ZSWIM9: variants seen among roughly 807,000 people sequenced by gnomAD.
ZSWIM9 encodes the protein zinc finger SWIM-type containing 9.
ZSWIM9 carries 11 observed loss-of-function variants against 25.0 expected under a neutral mutation model. The observed-to-expected ratio is 0.44, with a 90% CI of 0.28 to 0.73. ZSWIM9 has a LOEUF of 0.73. ZSWIM9 is among the 30% of genes least tolerant of loss of function. The probability of loss-of-function intolerance (pLI) is 0.16; values close to 1 mark genes in which losing one functional copy is unlikely to be tolerated. For synonymous variants in ZSWIM9, 562 were observed against 582.1 expected (o/e 0.97, Z 0.50); for missense variants, 1,070 against 1,296.5 (o/e 0.83, Z 2.68).
intron 3 of ZSWIM9, among the ~76,000 whole-genome samples, chr19:48,191,648 T>C (rs1411079097): frequency 1.3e-5 from 2 of 152,232 alleles, no homozygotes; most frequent in East Asian, 3.8e-4. Context: ...AGGCATGGTT[T>C]CTGATGTTCA....
intron 3 of ZSWIM9, among the ~76,000 whole-genome samples, chr19:48,192,498 T>TACACACACAC (rs1555787892): frequency 2.9e-4 from 6 of 20,758 alleles, no homozygotes; most frequent in Admixed American, 7.6e-4. Context: ...TATATATATA[T>TACACACACAC]ACACACACAC....
In ZSWIM9 at chr19:48,196,400, CAGA is replaced by C; in HGVS notation, c.2338_2340del (p.Glu780del). On this transcript the variant is annotated inframe_deletion, in exon 4 of 4. Coordinates refer to ENST00000614654, the MANE Select transcript of ZSWIM9 (RefSeq NM_199341.4). ...GTGGGGACTGTATTGGAAGGCAGCC[CAGA>C]ATGGGCAGCGGCGAGGAGTGAACAC... 2 of 1,232,350 alleles carry C rather than the reference CAGA, an allele frequency of 1.6e-6. No homozygotes were observed. The highest frequency in any genetic ancestry group is 4.2e-5 in the Admixed American group (1 of 23,714). 76.3% of individuals were successfully genotyped at this position (1,232,350 alleles called of 1,614,324 possible).
rs1368043949 is a variant in ZSWIM9, at chr19:48,197,232, A to G, written c.*405A>G. On this transcript the variant is annotated 3_prime_UTR_variant, in exon 4 of 4. Coordinates refer to ENST00000614654, the MANE Select transcript of ZSWIM9 (RefSeq NM_199341.4). ...CTAGGGAGTGCAGCGGGGAGAGGGG[A>G]AAGGGAGAAAGTACAGAAGACAGAT... is the stretch of plus-strand genomic sequence containing the variant. 1.4e-6 allele frequency: 1 copy of G among 701,690 alleles called. No individual in the cohort carries two copies. The highest frequency in any genetic ancestry group is 2.6e-6 in the Non-Finnish European group (1 of 384,590). 43.5% of individuals were successfully genotyped at this position (701,690 alleles called of 1,614,324 possible).
Position 48,196,454 on chromosome 19 carries a change from A to C in ZSWIM9, c.2390A>C (p.Glu797Ala), listed in dbSNP as rs1227308752. ...CTGGCTGCAGGTGACGGCCTGCAGG[A>C]AGGAGGCGAAGATGGCCCCAGGGAA... ...EHLAAGDGLQ[E>A]GGEDGPREPK... The change falls in exon 4 of 4, where the codon GAA becomes GCA. Residue 797 changes from glutamate to alanine, a missense_variant. By Grantham distance (107) the Glu-to-Ala change is moderately radical (BLOSUM62 -1). Transcript: ENST00000614654. 2 of 1,232,364 alleles carry C rather than the reference A, an allele frequency of 1.6e-6. No homozygotes were observed. Among genetic ancestry groups the C allele is most frequent in the African/African-American group, 3.1e-5 (2 of 64,372 alleles). 76.3% of individuals were successfully genotyped at this position (1,232,364 alleles called of 1,614,324 possible). A position where few individuals can be genotyped will look rare whatever the true frequency, so the allele number is the denominator to read the frequency against.
At position 48,195,282 on chromosome 19, in the gene ZSWIM9, G is replaced by A. The variant is rs1310320160; in HGVS notation, c.1218G>A (p.Val406=). The A allele has an allele frequency of 6.5e-7, 1 of 1,529,738 alleles. No individual in the cohort carries two copies. Among genetic ancestry groups the A allele is most frequent in the Non-Finnish European group, 8.7e-7 (1 of 1,143,878 alleles). The allele number at this position is 1,529,738 out of a possible 1,614,324, so 94.8% of individuals were successfully genotyped here. Residue 406 remains valine, a synonymous_variant, in exon 4 of 4, where the codon GTG becomes GTA. Transcript: ENST00000614654. This position sits in a 1 kb window ranked among gnomAD's most constrained non-coding sequence, Gnocchi z 5.8. ...AARDLDACAL[V]RGHRRRLLRR... is the part of the protein sequence containing the mutation. ...GAGACCTGGACGCGTGTGCCCTGGT[G>A]CGAGGCCACCGCCGGCGACTGCTGC...
chr19:48,187,540 ATAT>A (rs1362290882), intron 3 of ZSWIM9: 1 of 58,024 alleles, frequency 1.7e-5, no homozygotes, highest in Non-Finnish European at 3.1e-5. Context: ...TATTATTATT[ATAT>A]TATATTATAT....
Position 48,195,343 on chromosome 19 carries a change from C to T in ZSWIM9, c.1279C>T (p.Leu427Phe). The T allele has an allele frequency of 6.6e-7, 1 of 1,526,404 alleles. No homozygotes were observed. Among genetic ancestry groups the T allele is most frequent in the East Asian group, 2.5e-5 (1 of 40,060 alleles). The allele number at this position is 1,526,404 out of a possible 1,614,324, so 94.6% of individuals were successfully genotyped here. A position where few individuals can be genotyped will look rare whatever the true frequency, so the allele number is the denominator to read the frequency against. ...LSPSRGVAQC[L>F]RDLVAMQWAD... is the part of the protein sequence containing the mutation. The stretch of plus-strand genomic sequence containing the variant: ...CCCCTCGCGTGGCGTGGCGCAGTGC[C>T]TTCGCGACCTGGTGGCCATGCAGTG... Residue 427 changes from leucine (L) to phenylalanine (F), a missense_variant, in exon 4 of 4, where the codon CTT (leucine) becomes TTT (phenylalanine). By Grantham distance (22) the Leu-to-Phe change is conservative. This residue lies in a region of ZSWIM9 where 184 missense variants were observed against 243.1 expected (regional missense o/e 0.76). Transcript: ENST00000614654. This position sits in a 1 kb window ranked among gnomAD's most constrained non-coding sequence, Gnocchi z 5.8.
chr19:48,190,612 C>G (rs2037082412), intron 3 of ZSWIM9: 1 of 154,828 alleles, frequency 6.5e-6, no homozygotes, highest in African/African-American at 2.4e-5. Context: ...TGCAAGGGGG[C>G]AGGGAGGTGC....
intron 3 of ZSWIM9, among the ~76,000 whole-genome samples, chr19:48,192,468 A>ATGTAT (rs1173330681): frequency 8.4e-5 from 2 of 23,880 alleles, no homozygotes; most frequent in Non-Finnish European, 1.8e-4. Flanking sequence ...AAAAAAAAAA[A>ATGTAT]AAAAAAAAAA....
At chr19:48,171,204 A>T in intron 1 of ZSWIM9, 1 of 985,212 alleles carries the variant, frequency 1.0e-6, no homozygotes, top group Non-Finnish European at 1.2e-6. Context: ...AAGGGGCAAC[A>T]GCTGCACGCC....
At position 48,195,411 on chromosome 19, in the gene ZSWIM9, CG is replaced by C; in HGVS notation, c.1353del (p.Pro452LeufsTer18). ...AGGCGGTGCCCGAGGGGCCCGATGG[CG>C]GGGGGCCTTGGCTGGAGGATGAGCC... ...GEAVPEGPDGGGPWLEDEPGR... is the reference protein window; with the variant it reads ...GEAVPEGPDGXGPWLEDEPGR... On this transcript the variant is annotated frameshift_variant, in exon 4 of 4. Coordinates refer to ENST00000614654, the MANE Select transcript of ZSWIM9 (RefSeq NM_199341.4). LOFTEE classifies it low-confidence loss of function (END_TRUNC). The surrounding 1 kb of genome is among the most constrained non-coding windows in gnomAD (Gnocchi z 5.8). 6.8e-7 allele frequency: 1 copy of C among 1,460,626 alleles called. No homozygotes were observed. Among genetic ancestry groups the C allele is most frequent in the Non-Finnish European group, 9.0e-7 (1 of 1,115,964 alleles). The allele number at this position is 1,460,626 out of a possible 1,614,324, so 90.5% of individuals were successfully genotyped here.
At chr19:48,187,221 A>C (rs1213927471) in intron 3 of ZSWIM9, among the ~76,000 whole-genome samples, 2 of 148,738 alleles carry the variant, frequency 1.3e-5, no homozygotes, top group Admixed American at 1.4e-4. Context: ...AGCCATTTTA[A>C]AAAAAAGATG....
intron 2 of ZSWIM9, among the ~76,000 whole-genome samples, chr19:48,173,746 C>T (rs965941310): frequency 2.0e-5 from 3 of 152,210 alleles, no homozygotes; most frequent in Admixed American, 6.5e-5. Context: ...AAGCAATTCT[C>T]CTGCCTTAGC....
In ZSWIM9 at chr19:48,196,653, G is replaced by A. The variant is rs563737006; in HGVS notation, c.2589G>A (p.Lys863=). The A allele has an allele frequency of 4.1e-4, 505 of 1,232,804 alleles. No individual in the cohort carries two copies. Among genetic ancestry groups the A allele is most frequent in the Non-Finnish European group, 5.0e-4 (496 of 988,478 alleles). The allele number at this position is 1,232,804 out of a possible 1,614,324, so 76.4% of individuals were successfully genotyped here. Residue 863 remains lysine, a synonymous_variant, in exon 4 of 4, where the codon AAG becomes AAA. Transcript: ENST00000614654. ...GGACCGGAGCTGGCTTTGCCCTTAA[G>A]GACGGCACCTCGGACTTCTTCCTGG... is the stretch of plus-strand genomic sequence containing the variant. ...FHWTGAGFAL[K]DGTSDFFLDG...
At position 48,195,372 on chromosome 19, in the gene ZSWIM9, C is replaced by A; in HGVS notation, c.1308C>A (p.Ala436=). 6.6e-7 allele frequency: 1 copy of A among 1,508,798 alleles called. No homozygotes were observed. Among genetic ancestry groups the A allele is most frequent in the Non-Finnish European group, 8.8e-7 (1 of 1,136,224 alleles). 93.5% of individuals were successfully genotyped at this position (1,508,798 alleles called of 1,614,324 possible). Residue 436 remains alanine (A), a synonymous_variant, in exon 4 of 4, where the codon GCC becomes GCA. Coordinates refer to ENST00000614654, the MANE Select transcript of ZSWIM9 (RefSeq NM_199341.4). The surrounding 1 kb of genome is among the most constrained non-coding windows in gnomAD (Gnocchi z 5.8). ...GCGACCTGGTGGCCATGCAGTGGGC[C>A]GACGCGGCCGGGGAGGCGGTGCCCG... ...CLRDLVAMQW[A]DAAGEAVPEG...
In ZSWIM9 at chr19:48,192,469, A is replaced by ATG. The variant is rs1568582355; in HGVS notation, c.589-2184_589-2183insTG. Among the ~76,000 whole-genome samples, 7 of 23,922 alleles carry ATG rather than the reference A, an allele frequency of 2.9e-4. 1 individual carries two copies. The highest frequency in any genetic ancestry group is 1.3e-3 in the Admixed American group (2 of 1,520). 15.7% of individuals were successfully genotyped at this position (23,922 alleles called of 152,430 possible). On this transcript the variant is annotated intron_variant, in intron 3 of 3. Transcript: ENST00000614654. ...TGTCTCAAAAAAAAAAAAAAAAAAA[A>ATG]AAAAAAAAAAAATATATATATATAT... is the stretch of plus-strand genomic sequence containing the variant.
intron 3 of ZSWIM9, among the ~76,000 whole-genome samples, chr19:48,184,480 C>T (rs2036988920): frequency 6.6e-6 from 1 of 152,042 alleles, no homozygotes. Context: ...CCTTTGTCTC[C>T]CTTGTGTGTG....
At chr19:48,185,399 T>C (rs1568578340) in intron 3 of ZSWIM9, among the ~76,000 whole-genome samples, 1 of 152,144 alleles carries the variant, frequency 6.6e-6, no homozygotes, top group Non-Finnish European at 1.5e-5. Flanking sequence ...CCTCCCAAAG[T>C]GCTGGGATTA....
chr19:48,172,725 A>C (rs2036853726), intron 2 of ZSWIM9, among the ~76,000 whole-genome samples: 1 of 152,172 alleles, frequency 6.6e-6, no homozygotes, highest in Non-Finnish European at 1.5e-5. Flanking sequence ...CATGTTGGCC[A>C]GGCTGGTCTC....
Sources: allele counts gnomAD v4.1 joint callset (sites outside exome capture counted in the v4.1 genomes callset), GRCh38; gene constraint gnomAD v4.1.1; regional missense constraint gnomAD v4.1.1; non-coding constraint Gnocchi (gnomAD v3.1); transcripts MANE v1.5; gene names NCBI Gene and HGNC (gene_info 2026-07-23, HGNC 2026-07-21).